Variants in PLXDC2 observed in about 807,000 individuals in gnomAD.
The protein encoded by PLXDC2 is plexin domain containing 2, also known as plexin domain-containing protein 2.
Under a neutral mutation model 68.9 loss-of-function variants are expected in PLXDC2, and 40 were observed. The observed-to-expected ratio is 0.58, with a 90% CI of 0.45 to 0.76. The LOEUF is 0.76. Among genes scored for constraint, PLXDC2 ranks in the 30% least tolerant of loss-of-function variants. PLXDC2 has a pLI of 0.00. For synonymous variants in PLXDC2, 243 were observed against 234.2 expected (o/e 1.04, Z -0.34); for missense variants, 644 against 661.9 (o/e 0.97, Z 0.30).
chr10:20,054,474 G>A (rs1199715292), intron 3 of PLXDC2, among the ~76,000 whole-genome samples: 1 of 151,966 alleles, frequency 6.6e-6, no homozygotes, highest in Non-Finnish European at 1.5e-5. Context: ...ATAGGTATAG[G>A]ATAGATGGAT....
intron 1 of PLXDC2, among the ~76,000 whole-genome samples, chr10:19,958,562 C>T (rs557804904): frequency 6.6e-6 from 1 of 152,220 alleles, no homozygotes; most frequent in Non-Finnish European, 1.5e-5. Context: ...TCTTGTTCTA[C>T]ATTTAATTGG....
chr10:20,270,394 A>G (rs1487752812), intron 13 of PLXDC2, among the ~76,000 whole-genome samples: 2 of 152,228 alleles, frequency 1.3e-5, no homozygotes, highest in African/African-American at 4.8e-5. Flanking sequence ...CTGAGATTCC[A>G]AGAAAGTAAG....
chr10:20,084,149 C>T (rs186610414), intron 4 of PLXDC2, among the ~76,000 whole-genome samples: 56 of 152,204 alleles, frequency 3.7e-4, no homozygotes, highest in Non-Finnish European at 6.6e-4. Flanking sequence ...TAGACCAATG[C>T]GGAAAAGGAG....
intron 1 of PLXDC2, among the ~76,000 whole-genome samples, chr10:19,952,017 G>A (rs2131407463): frequency 6.6e-6 from 1 of 152,198 alleles, no homozygotes; most frequent in Non-Finnish European, 1.5e-5. Context: ...AGGAAGGGGA[G>A]CCAGAGGTGA....
At chr10:20,269,550 A>G (rs913015226) in intron 13 of PLXDC2, among the ~76,000 whole-genome samples, 4 of 152,210 alleles carry the variant, frequency 2.6e-5, no homozygotes, top group Non-Finnish European at 5.9e-5. Flanking sequence ...ATGATTTTAA[A>G]AACATATCAA....
chr10:20,026,503 G>C (rs1334162906), intron 2 of PLXDC2, among the ~76,000 whole-genome samples: 1 of 152,086 alleles, frequency 6.6e-6, no homozygotes, highest in Admixed American at 6.6e-5. Flanking sequence ...CAGGAAAGTG[G>C]TTCAACTTTT....
At chr10:20,112,891 G>A (rs1833576713) in intron 4 of PLXDC2, among the ~76,000 whole-genome samples, 1 of 152,092 alleles carries the variant, frequency 6.6e-6, no homozygotes, top group African/African-American at 2.4e-5. Flanking sequence ...CATTGCTTAA[G>A]GTTTTCTTTA....
At chr10:19,952,802 A>T (rs1834011490) in intron 1 of PLXDC2, among the ~76,000 whole-genome samples, 1 of 152,252 alleles carries the variant, frequency 6.6e-6, no homozygotes, top group Non-Finnish European at 1.5e-5. Flanking sequence ...TCCAGAAGGA[A>T]ATAAGACTTA....
chr10:19,901,134 CAT>C (rs1452004197), intron 1 of PLXDC2, among the ~76,000 whole-genome samples: 5 of 152,120 alleles, frequency 3.3e-5, no homozygotes, highest in Admixed American at 2.6e-4. Context: ...CTGCTATAAA[CAT>C]GTGTGTGCCA....
chr10:20,081,056 G>C (rs760878044), intron 4 of PLXDC2, among the ~76,000 whole-genome samples: 1 of 152,122 alleles, frequency 6.6e-6, no homozygotes, highest in African/African-American at 2.4e-5. Context: ...TGAAACTCCC[G>C]GATGGCTCTG....
intron 4 of PLXDC2, among the ~76,000 whole-genome samples, chr10:20,105,758 C>T (rs1416300957): frequency 1.3e-5 from 2 of 152,156 alleles, no homozygotes; most frequent in Non-Finnish European, 2.9e-5. Flanking sequence ...TCATTAAGAA[C>T]CTTCTAGTGA....
chr10:20,217,502 C>T lies in PLXDC2; in HGVS notation c.1199C>T (p.Thr400Ile). 1 of 1,612,436 alleles carries T rather than the reference C, an allele frequency of 6.2e-7. No homozygotes were observed. Among genetic ancestry groups the T allele is most frequent in the African/African-American group, 1.3e-5 (1 of 74,874 alleles). The change falls in exon 11 of 14, where the codon ACC becomes ATC. Residue 400 changes from threonine to isoleucine, a missense_variant. Coordinates refer to ENST00000377252, the MANE Select transcript of PLXDC2 (RefSeq NM_032812.9). ...SRTTTTVGAT[T>I]TQFRVLTTTR... Reference sequence around the variant, plus strand: ...ACCACCACAACCGTAGGAGCGACAACCACCCAGTTCAGGGTCCTAACTACC... The same window carrying T: ...ACCACCACAACCGTAGGAGCGACAATCACCCAGTTCAGGGTCCTAACTACC...
At chr10:19,904,500 C>G (rs768214828) in intron 1 of PLXDC2, among the ~76,000 whole-genome samples, 4 of 151,954 alleles carry the variant, frequency 2.6e-5, no homozygotes, top group Non-Finnish European at 5.9e-5. Flanking sequence ...CCCCCAGCAA[C>G]AGCATTGAGT....
At chr10:20,019,561 T>G (rs1451357314) in intron 2 of PLXDC2, among the ~76,000 whole-genome samples, 1 of 152,124 alleles carries the variant, frequency 6.6e-6, no homozygotes, top group Non-Finnish European at 1.5e-5. Flanking sequence ...GTTAATGAGG[T>G]CATAAGGACG....
At chr10:19,865,557 C>T (rs1275516938) in intron 1 of PLXDC2, among the ~76,000 whole-genome samples, 3 of 152,078 alleles carry the variant, frequency 2.0e-5, no homozygotes, top group Non-Finnish European at 4.4e-5. Flanking sequence ...TGCTACTTCT[C>T]TGCCATTTAG....
chr10:20,175,896 C>G (rs376093928), intron 7 of PLXDC2, among the ~76,000 whole-genome samples: 1 of 152,118 alleles, frequency 6.6e-6, no homozygotes, highest in East Asian at 1.9e-4. Context: ...GAAATGCATT[C>G]TTATCAGTAC....
chr10:20,152,591 G>T (rs911791634), intron 6 of PLXDC2, among the ~76,000 whole-genome samples: 4 of 151,932 alleles, frequency 2.6e-5, no homozygotes, highest in African/African-American at 9.7e-5. Context: ...TCATTATAAT[G>T]CATTTTTCAA....
chr10:20,122,039 A>G (rs1833705114), intron 4 of PLXDC2, among the ~76,000 whole-genome samples: 1 of 151,862 alleles, frequency 6.6e-6, no homozygotes, highest in Non-Finnish European at 1.5e-5. Flanking sequence ...GGAGGACGCA[A>G]AGGAGGCTTT....
intron 2 of PLXDC2, among the ~76,000 whole-genome samples, chr10:20,010,264 C>T (rs1385821995): frequency 1.3e-5 from 2 of 152,094 alleles, no homozygotes; most frequent in Non-Finnish European, 2.9e-5. Flanking sequence ...CTATTTCAGT[C>T]TTTTCTGTTT....
Sources: gnomAD v4.1 joint callset for allele counts (sites outside exome capture counted in the v4.1 genomes callset) on GRCh38, gnomAD v4.1.1 for gene constraint, MANE v1.5 for transcripts, NCBI Gene and HGNC (gene_info 2026-07-23, HGNC 2026-07-21) for gene names.